Variants in FYN observed in about 807,000 individuals in gnomAD.
FYN encodes the protein tyrosine-protein kinase Fyn.
In FYN, 10 loss-of-function variants were observed where a neutral mutation model predicts 70.2. The ratio of observed to expected loss-of-function variants is 0.14; its 90% CI spans 0.09 to 0.24. The LOEUF is 0.24. Ranked by LOEUF, FYN falls within the 10% of genes least tolerant of loss-of-function variation. FYN has a pLI of 1.00. For synonymous variants in FYN, 236 were observed against 248.6 expected (o/e 0.95, Z 0.48); for missense variants, 319 against 673.1 (o/e 0.47, Z 5.82).
At chr6:111,797,721 C>CAG (rs1771860158) in intron 2 of FYN, among the ~76,000 whole-genome samples, 1 of 141,892 alleles carries the variant, frequency 7.0e-6, no homozygotes, top group South Asian at 2.2e-4. Flanking sequence ...TACACACACA[C>CAG]ACACACATGA....
At chr6:111,716,284 T>C (rs1261458771) in intron 4 of FYN, among the ~76,000 whole-genome samples, 3 of 152,238 alleles carry the variant, frequency 2.0e-5, no homozygotes, top group Non-Finnish European at 4.4e-5. Flanking sequence ...TATGCTTGTA[T>C]TTGATGATAA....
At chr6:111,688,836 TG>T (rs1358752777) in intron 12 of FYN, among the ~76,000 whole-genome samples, 5 of 152,042 alleles carry the variant, frequency 3.3e-5, no homozygotes, top group Non-Finnish European at 7.4e-5. Flanking sequence ...ATGAGGACAG[TG>T]GATGTGTGAC....
chr6:111,718,270 C>T (rs1246782981), intron 4 of FYN, among the ~76,000 whole-genome samples: 2 of 152,192 alleles, frequency 1.3e-5, no homozygotes, highest in African/African-American at 2.4e-5. Flanking sequence ...CTTGGCCTTA[C>T]AGGACTGAAG....
intron 12 of FYN, among the ~76,000 whole-genome samples, chr6:111,682,504 T>C (rs1366085664): frequency 6.6e-6 from 1 of 152,240 alleles, no homozygotes; most frequent in African/African-American, 2.4e-5. Context: ...TTTCATACAT[T>C]AAGATGATGG....
intron 1 of FYN, among the ~76,000 whole-genome samples, chr6:111,852,229 C>T (rs747384867): frequency 9.9e-5 from 15 of 152,140 alleles, no homozygotes; most frequent in Non-Finnish European, 1.5e-4. Flanking sequence ...TATTTCTTAA[C>T]CATGGTTGAC....
At chr6:111,668,078 T>G (rs1337122781) in intron 13 of FYN, among the ~76,000 whole-genome samples, 1 of 152,226 alleles carries the variant, frequency 6.6e-6, no homozygotes, top group Non-Finnish European at 1.5e-5. Context: ...GGTGTTTACA[T>G]GTCTGTTGAG....
At chr6:111,823,723 C>G (rs1333783171) in intron 2 of FYN, among the ~76,000 whole-genome samples, 1 of 151,990 alleles carries the variant, frequency 6.6e-6, no homozygotes, top group Non-Finnish European at 1.5e-5. Context: ...CATAACAGAT[C>G]TCAGCTAACT....
chr6:111,821,489 T>C (rs1414610995), intron 2 of FYN, among the ~76,000 whole-genome samples: 4 of 152,124 alleles, frequency 2.6e-5, no homozygotes. Flanking sequence ...TAATTCAAGA[T>C]GGATTAAAGA....
At chr6:111,822,383 A>G (rs1254439297) in intron 2 of FYN, among the ~76,000 whole-genome samples, 3 of 152,138 alleles carry the variant, frequency 2.0e-5, no homozygotes, top group Admixed American at 6.5e-5. Flanking sequence ...CACAAGGACA[A>G]AAAACCAAAC....
At chr6:111,855,227 A>T (rs1035265746) in intron 1 of FYN, among the ~76,000 whole-genome samples, 3 of 152,218 alleles carry the variant, frequency 2.0e-5, no homozygotes, top group Admixed American at 1.3e-4. Context: ...GATCAAAATA[A>T]AGCTTGTGGA....
intron 4 of FYN, among the ~76,000 whole-genome samples, chr6:111,716,038 G>C (rs1378274589): frequency 6.6e-6 from 1 of 152,148 alleles, no homozygotes; most frequent in Non-Finnish European, 1.5e-5. Flanking sequence ...TGTTATTAAA[G>C]CTCTTTTATT....
At chr6:111,732,558 C>T (rs1268463739) in intron 3 of FYN, among the ~76,000 whole-genome samples, 1 of 152,200 alleles carries the variant, frequency 6.6e-6, no homozygotes, top group African/African-American at 2.4e-5. Flanking sequence ...CCACCAAATC[C>T]ACCCCACCCT....
intron 6 of FYN, among the ~76,000 whole-genome samples, chr6:111,705,567 G>A (rs9481184): frequency 0.12 from 18,958 of 151,964 alleles, 2,363 homozygotes; most frequent in African/African-American, 0.31. Flanking sequence ...TTTTTGTAGA[G>A]GCTAAGAGTG....
chr6:111,719,656 A>T, intron 4 of FYN, 149 bp downstream of exon 4: 3 of 900,694 alleles, frequency 3.3e-6, no homozygotes, highest in Non-Finnish European at 4.9e-6. Flanking sequence ...GGCTTTTCTT[A>T]CAACCCCTCA....
At chr6:111,680,986 T>C (rs1287383184) in intron 12 of FYN, among the ~76,000 whole-genome samples, 1 of 152,060 alleles carries the variant, frequency 6.6e-6, no homozygotes, top group Non-Finnish European at 1.5e-5. Flanking sequence ...GTAGCTAGGA[T>C]GCTAGATGTG....
intron 2 of FYN, among the ~76,000 whole-genome samples, chr6:111,836,803 C>T (rs916261082): frequency 2.6e-5 from 4 of 152,050 alleles, no homozygotes; most frequent in African/African-American, 4.8e-5. Context: ...TTTTTCTGAA[C>T]GGACACATTT....
intron 1 of FYN, among the ~76,000 whole-genome samples, chr6:111,859,907 G>A (rs933723699): frequency 2.6e-5 from 4 of 152,190 alleles, no homozygotes; most frequent in African/African-American, 9.6e-5. Context: ...TATTAGGGCT[G>A]GCCCTAAATT....
intron 3 of FYN, among the ~76,000 whole-genome samples, chr6:111,768,286 T>C (rs1232108936): frequency 1.3e-5 from 2 of 152,232 alleles, no homozygotes; most frequent in Admixed American, 1.3e-4. Flanking sequence ...CTAGGAACAA[T>C]GCCCAGCACT....
intron 2 of FYN, among the ~76,000 whole-genome samples, chr6:111,807,773 C>G (rs1772195488): frequency 1.3e-5 from 2 of 152,088 alleles, no homozygotes; most frequent in Non-Finnish European, 2.9e-5. Flanking sequence ...TGAAGCACCC[C>G]CAGGTTTGGG....
Sources: gnomAD v4.1 joint callset for allele counts (sites outside exome capture counted in the v4.1 genomes callset) on GRCh38, gnomAD v4.1.1 for gene constraint, MANE v1.5 for transcripts, NCBI Gene and HGNC (gene_info 2026-07-23, HGNC 2026-07-21) for gene names.